RPSA2: variants seen among roughly 807,000 people sequenced by gnomAD.
The protein encoded by RPSA2 is small ribosomal subunit protein uS2B.
chr19:23,859,617 A>T, the RPSA2 span, among the ~76,000 whole-genome samples: 1 of 78,604 alleles, frequency 1.3e-5, no homozygotes, highest in East Asian at 4.1e-4. Flanking sequence ...ACAATAACAA[A>T]GTTCCGTCTC....
At chr19:23,796,814 T>C in the RPSA2 span, among the ~76,000 whole-genome samples, 63,467 of 150,938 alleles carry the variant, frequency 0.42, 14,230 homozygotes, top group Non-Finnish European at 0.52. Flanking sequence ...ATTGTGTTTA[T>C]TTGGATCATC....
the RPSA2 span, among the ~76,000 whole-genome samples, chr19:23,856,468 A>G: frequency 6.6e-6 from 1 of 152,154 alleles, no homozygotes; most frequent in Non-Finnish European, 1.5e-5. Context: ...TGTGTGACCC[A>G]TACTTACCCC....
chr19:23,834,436 A>C, the RPSA2 span, among the ~76,000 whole-genome samples: 1 of 151,992 alleles, frequency 6.6e-6, no homozygotes, highest in Non-Finnish European at 1.5e-5. Flanking sequence ...TTCTATGGAA[A>C]GGTAAGGACA....
At chr19:23,863,304 C>G in the RPSA2 span, among the ~76,000 whole-genome samples, 2 of 152,132 alleles carry the variant, frequency 1.3e-5, no homozygotes, top group Non-Finnish European at 2.9e-5. Flanking sequence ...TGGCACCCAC[C>G]TGTAATCTCA....
chr19:23,827,360 G>T, the RPSA2 span: 1 of 1,583,150 alleles, frequency 6.3e-7, no homozygotes, highest in Non-Finnish European at 8.6e-7. Context: ...TGCTATTGTT[G>T]CCATTGAAAA....
At chr19:23,846,589 G>A in the RPSA2 span, among the ~76,000 whole-genome samples, 1 of 152,224 alleles carries the variant, frequency 6.6e-6, no homozygotes, top group Non-Finnish European at 1.5e-5. Flanking sequence ...TATTTGTCAG[G>A]ATAAGACTTT....
At chr19:23,832,203 CAGAA>C in the RPSA2 span, 1 of 427,826 alleles carries the variant, frequency 2.3e-6, no homozygotes, top group South Asian at 1.8e-5. Context: ...AGAGGATGCA[CAGAA>C]GAAAGAAACT....
chr19:23,806,163 G>A, the RPSA2 span, among the ~76,000 whole-genome samples: 1 of 150,580 alleles, frequency 6.6e-6, no homozygotes. Context: ...TCCTGCCTCA[G>A]CTTCCTGAGT....
chr19:23,862,382 C>T, the RPSA2 span, among the ~76,000 whole-genome samples: 1 of 151,346 alleles, frequency 6.6e-6, no homozygotes, highest in Non-Finnish European at 1.5e-5. Flanking sequence ...CTTCTCTTGC[C>T]TAATTGCCCT....
the RPSA2 span, among the ~76,000 whole-genome samples, chr19:23,772,822 T>C: frequency 6.6e-6 from 1 of 152,148 alleles, no homozygotes; most frequent in Non-Finnish European, 1.5e-5. Context: ...ATTTCTAAAC[T>C]CAGAACATAG....
the RPSA2 span, among the ~76,000 whole-genome samples, chr19:23,784,593 C>G: frequency 6.6e-6 from 1 of 152,196 alleles, no homozygotes; most frequent in South Asian, 2.1e-4. Flanking sequence ...CCACTGTTGC[C>G]TATTGTATGA....
the RPSA2 span, among the ~76,000 whole-genome samples, chr19:23,862,699 C>T: frequency 4.0e-5 from 6 of 151,682 alleles, no homozygotes; most frequent in African/African-American, 1.5e-4. Context: ...TATTGATTTG[C>T]ATATATTGAA....
chr19:23,801,232 CT>C, the RPSA2 span, among the ~76,000 whole-genome samples: 166 of 142,996 alleles, frequency 1.2e-3, no homozygotes, highest in Admixed American at 1.2e-3. Flanking sequence ...AAATGCAAGT[CT>C]TTTTTTTTTT....
the RPSA2 span, among the ~76,000 whole-genome samples, chr19:23,766,142 C>CTTTTTTTTT: frequency 1.1e-3 from 49 of 43,286 alleles, 21 homozygotes; most frequent in African/African-American, 3.0e-3. Context: ...TATTTCATTT[C>CTTTTTTTTT]CTTTTTTTTT....
the RPSA2 span, among the ~76,000 whole-genome samples, chr19:23,867,132 C>A: frequency 1.3e-5 from 2 of 152,096 alleles, no homozygotes; most frequent in Non-Finnish European, 2.9e-5. Flanking sequence ...CTAATAGACC[C>A]ACCTGTTTGG....
chr19:23,842,267 C>T, the RPSA2 span, among the ~76,000 whole-genome samples: 1 of 152,188 alleles, frequency 6.6e-6, no homozygotes, highest in Non-Finnish European at 1.5e-5. Context: ...CTAAATATGG[C>T]ATTCAGAACT....
chr19:23,848,427 C>A, the RPSA2 span, among the ~76,000 whole-genome samples: 1 of 152,176 alleles, frequency 6.6e-6, no homozygotes, highest in South Asian at 2.1e-4. Context: ...AACATTACTA[C>A]AATGGAGCCC....
the RPSA2 span, among the ~76,000 whole-genome samples, chr19:23,821,673 C>T: frequency 1.3e-5 from 2 of 152,190 alleles, no homozygotes; most frequent in African/African-American, 4.8e-5. Flanking sequence ...ATAGCCTTTG[C>T]CATTCTCTTC....
At chr19:23,784,387 T>A in the RPSA2 span, among the ~76,000 whole-genome samples, 1 of 152,196 alleles carries the variant, frequency 6.6e-6, no homozygotes, top group Non-Finnish European at 1.5e-5. Flanking sequence ...ATGAATGCAC[T>A]CCACAGTTGG....
Sources: allele counts gnomAD v4.1 joint callset (sites outside exome capture counted in the v4.1 genomes callset), GRCh38; gene constraint gnomAD v4.1.1; transcripts MANE v1.5; gene names NCBI Gene and HGNC (gene_info 2026-07-23, HGNC 2026-07-21).